The following H2AC21 variants were observed in gnomAD, a reference collection of about 807,000 sequenced individuals.
H2AC21 encodes the protein histone H2A type 2-B.
In H2AC21, 3 loss-of-function variants were observed where a neutral mutation model predicts 7.7. The ratio of observed to expected loss-of-function variants is 0.39; its 90% CI spans 0.18 to 1.01. The LOEUF (loss-of-function observed/expected upper bound fraction) is 1.01. Ranked by LOEUF, H2AC21 falls within the 50% of genes least tolerant of loss-of-function variation. The pLI is 0.36. For missense variants in H2AC21, 173 were observed against 177.9 expected (o/e 0.97, Z 0.16); for synonymous variants, 119 against 84.2 (o/e 1.41, Z -2.26).
Position 149,887,808 on chromosome 1 carries a change from T to G in H2AC21, c.109A>C (p.Lys37Gln), listed in dbSNP as rs1553760156. 1 of 1,614,022 alleles carries G rather than the reference T, an allele frequency of 6.2e-7. No homozygotes were observed. The highest frequency in any genetic ancestry group is 8.5e-7 in the Non-Finnish European group (1 of 1,179,942). The part of the protein sequence containing the change: ...PVGRVHRLLR[K>Q]GNYAERVGAG... The stretch of plus-strand genomic sequence containing the variant: ...CCGACCCGCTCCGCGTAGTTGCCTT[T>G]GCGCAGCAAGCGGTGCACTCGCCCC... Residue 37 changes from lysine (K) to glutamine (Q), a missense_variant, in exon 1 of 1, where the codon AAA becomes CAA. Lys to Gln is a moderately conservative substitution (Grantham distance 53). Coordinates refer to ENST00000331128, the MANE Select transcript of H2AC21 (RefSeq NM_175065.3).
Position 149,887,621 on chromosome 1 carries a change from C to T in H2AC21, c.296G>A (p.Gly99Glu), listed in dbSNP as rs1553760081. Residue 99 changes from glycine (G) to glutamate (E), a missense_variant, in exon 1 of 1, where the codon GGG (glycine) becomes GAG (glutamate). Coordinates refer to ENST00000331128, the MANE Select transcript of H2AC21 (RefSeq NM_175065.3). ...RNDEELNKLLGGVTIAQGGVL... is the reference protein window; with the variant it reads ...RNDEELNKLLEGVTIAQGGVL... ...GCCGCCCTGGGCAATGGTGACACCC[C>T]CGAGTAACTTGTTGAGCTCTTCGTC... 1.2e-6 allele frequency: 2 copies of T among 1,614,214 alleles called. No homozygotes were observed. Among genetic ancestry groups the T allele is most frequent in the Non-Finnish European group, 1.7e-6 (2 of 1,180,038 alleles).
chr1:149,887,842 C>G lies in H2AC21; in HGVS notation c.75G>C (p.Gln25His), dbSNP rs1252703919. The G allele has an allele frequency of 6.2e-7, 1 of 1,613,906 alleles. No individual in the cohort carries two copies. The highest frequency in any genetic ancestry group is 8.5e-7 in the Non-Finnish European group (1 of 1,179,938). The change falls in exon 1 of 1, where the codon CAG becomes CAC. Residue 25 changes from glutamine to histidine, a missense_variant. By Grantham distance (24) the Gln-to-His change is conservative (BLOSUM62 0). Transcript: ENST00000331128. ...AKSRSSRAGL[Q>H]FPVGRVHRLL... ...AGCGGTGCACTCGCCCCACCGGGAACTGGAGACCAGCGCGGGACGAGCGCG... is the reference window on the plus strand; with the variant it reads ...AGCGGTGCACTCGCCCCACCGGGAAGTGGAGACCAGCGCGGGACGAGCGCG...
In H2AC21 at chr1:149,887,737, G is replaced by C. The variant is rs781870400; in HGVS notation, c.180C>G (p.Thr60=). The change falls in exon 1 of 1, where the codon ACC becomes ACG. Residue 60 remains threonine (T), a synonymous_variant. Transcript: ENST00000331128. ...TGCCCGCCAGCTCCAGAATTTCCGC[G>C]GTCAGGTACTCGAGGACCGCCGCCA... ...VYLAAVLEYL[T]AEILELAGNA... The C allele has an allele frequency of 1.2e-6, 2 of 1,614,232 alleles. No individual in the cohort carries two copies. The highest frequency in any genetic ancestry group is 1.7e-5 in the Admixed American group (1 of 60,028).
At position 149,887,769 on chromosome 1, in the gene H2AC21, C is replaced by T; in HGVS notation, c.148G>A (p.Val50Met). 1 of 1,614,178 alleles carries T rather than the reference C, an allele frequency of 6.2e-7. No individual in the cohort carries two copies. Among genetic ancestry groups the T allele is most frequent in the Non-Finnish European group, 8.5e-7 (1 of 1,180,020 alleles). ...YAERVGAGAP[V>M]YLAAVLEYLT... is the part of the protein sequence containing the mutation. ...TACTCGAGGACCGCCGCCAGGTACA[C>T]CGGGGCGCCTGCCCCGACCCGCTCC... The change falls in exon 1 of 1, where the codon GTG becomes ATG. Residue 50 changes from valine to methionine, a missense_variant. Coordinates refer to ENST00000331128, the MANE Select transcript of H2AC21 (RefSeq NM_175065.3).
At position 149,887,619 on chromosome 1, in the gene H2AC21, C is replaced by A. The variant is rs1553760080; in HGVS notation, c.298G>T (p.Gly100Cys). 3.7e-6 allele frequency: 6 copies of A among 1,614,204 alleles called. No individual in the cohort carries two copies. Among genetic ancestry groups the A allele is most frequent in the Non-Finnish European group, 5.1e-6 (6 of 1,180,040 alleles). ...ACGCCGCCCTGGGCAATGGTGACACCCCCGAGTAACTTGTTGAGCTCTTCG... is the reference window on the plus strand; with the variant it reads ...ACGCCGCCCTGGGCAATGGTGACACACCCGAGTAACTTGTTGAGCTCTTCG... ...NDEELNKLLG[G>C]VTIAQGGVLP... Residue 100 changes from glycine (G) to cysteine (C), a missense_variant, in exon 1 of 1, where the codon GGT becomes TGT. Gly to Cys is a radical substitution (Grantham distance 159). Coordinates refer to ENST00000331128, the MANE Select transcript of H2AC21 (RefSeq NM_175065.3).
At position 149,887,482 on chromosome 1, in the gene H2AC21, A is replaced by C; in HGVS notation, c.*42T>G. On this transcript the variant is annotated 3_prime_UTR_variant, in exon 1 of 1. Transcript: ENST00000331128. ...CATTTGACACTTTGGTGGCTCTTAA[A>C]AGAGCCTTTGGGGTGAATGAGTATG... 1 of 1,572,006 alleles carries C rather than the reference A, an allele frequency of 6.4e-7. No individual in the cohort carries two copies. Among genetic ancestry groups the C allele is most frequent in the Non-Finnish European group, 8.6e-7 (1 of 1,161,746 alleles).
rs1203047229 is a variant in H2AC21, at chr1:149,887,510, G to A, written c.*14C>T. On this transcript the variant is annotated 3_prime_UTR_variant, in exon 1 of 1. Coordinates refer to ENST00000331128, the MANE Select transcript of H2AC21 (RefSeq NM_175065.3). ...AGCCTTTGGGGTGAATGAGTATGGTGTCAAGCCTCTTAATTACTTGTTCTT... is the reference window on the plus strand; with the variant it reads ...AGCCTTTGGGGTGAATGAGTATGGTATCAAGCCTCTTAATTACTTGTTCTT... 3 of 1,604,430 alleles carry A rather than the reference G, an allele frequency of 1.9e-6. No homozygotes were observed. Among genetic ancestry groups the A allele is most frequent in the African/African-American group, 2.7e-5 (2 of 74,772 alleles).
rs1559775986 is a variant in H2AC21, at chr1:149,887,770, CG to C, written c.146del (p.Pro49ArgfsTer11). ...NYAERVGAGA[P>X]VYLAAVLEYL... ...ACTCGAGGACCGCCGCCAGGTACAC[CG>C]GGGCGCCTGCCCCGACCCGCTCCGC... On this transcript the variant is annotated frameshift_variant, in exon 1 of 1. Transcript: ENST00000331128. LOFTEE classifies it high-confidence loss of function. 1 of 1,614,128 alleles carries C rather than the reference CG, an allele frequency of 6.2e-7. No individual in the cohort carries two copies. The highest frequency in any genetic ancestry group is 1.7e-5 in the Admixed American group (1 of 60,014).
Position 149,887,892 on chromosome 1 carries a change from C to T in H2AC21, c.25G>A (p.Gly9Ser), listed in dbSNP as rs1412309261. Residue 9 changes from glycine (G) to serine (S), a missense_variant, in exon 1 of 1, where the codon GGC (glycine) becomes AGC (serine). Transcript: ENST00000331128. ...GACTTGGCCTTAGCGCGGGCCTTGC[C>T]TCCCTGCTTTCCGCGTCCTGACATT... MSGRGKQG[G>S]KARAKAKSRS... The T allele has an allele frequency of 1.9e-6, 3 of 1,612,978 alleles. No individual in the cohort carries two copies. Among genetic ancestry groups the T allele is most frequent in the South Asian group, 1.1e-5 (1 of 90,968 alleles).
rs1307401719 is a variant in H2AC21, at chr1:149,887,474, G to A, written c.*50C>T. 5.8e-6 allele frequency: 9 copies of A among 1,564,694 alleles called. No homozygotes were observed. Among genetic ancestry groups the A allele is most frequent in the South Asian group, 2.4e-5 (2 of 83,018 alleles). The stretch of plus-strand genomic sequence containing the variant: ...CAGCCCTTCATTTGACACTTTGGTG[G>A]CTCTTAAAAGAGCCTTTGGGGTGAA... On this transcript the variant is annotated 3_prime_UTR_variant, in exon 1 of 1. Transcript: ENST00000331128.
rs1008980388 is a variant in H2AC21, at chr1:149,887,855, C to T, written c.62G>A (p.Arg21His). ...ARAKAKSRSS[R>H]AGLQFPVGRV... Reference sequence around the variant, plus strand: ...CCCCACCGGGAACTGGAGACCAGCGCGGGACGAGCGCGACTTGGCCTTAGC... The same window carrying T: ...CCCCACCGGGAACTGGAGACCAGCGTGGGACGAGCGCGACTTGGCCTTAGC... The change falls in exon 1 of 1, where the codon CGC (arginine) becomes CAC (histidine). Residue 21 changes from arginine to histidine, a missense_variant. Physicochemically the swap from Arg to His is conservative, Grantham distance 29. Transcript: ENST00000331128. The T allele has an allele frequency of 2.5e-6, 4 of 1,613,930 alleles. No individual in the cohort carries two copies. The highest frequency in any genetic ancestry group is 3.4e-6 in the Non-Finnish European group (4 of 1,179,890).
In H2AC21 at chr1:149,887,687, GTCT is replaced by G. The variant is rs782564731; in HGVS notation, c.227_229del (p.Lys76del). ...TTGCAGATGGCGAGGGATGATGCGC[GTCT>G]TCTTGTTGTCCCGAGCCGCGTTGCC... On this transcript the variant is annotated inframe_deletion, in exon 1 of 1. Transcript: ENST00000331128. The G allele has an allele frequency of 1.4e-5, 23 of 1,614,090 alleles. No homozygotes were observed. The highest frequency in any genetic ancestry group is 3.3e-5 in the Admixed American group (2 of 60,008).
rs782688416 is a variant in H2AC21 at position 149,887,836 on chromosome 1, C to T, written c.81G>A (p.Pro27=). The change falls in exon 1 of 1, where the codon CCG becomes CCA. Residue 27 remains proline (P), a synonymous_variant. Transcript: ENST00000331128. ...SRSSRAGLQF[P]VGRVHRLLRK... is the part of the protein sequence containing the mutation. ...GCAGCAAGCGGTGCACTCGCCCCAC[C>T]GGGAACTGGAGACCAGCGCGGGACG... 3.7e-6 allele frequency: 6 copies of T among 1,613,900 alleles called. No individual in the cohort carries two copies. The highest frequency in any genetic ancestry group is 4.2e-6 in the Non-Finnish European group (5 of 1,179,944).
Position 149,887,845 on chromosome 1 carries a change from G to C in H2AC21, c.72C>G (p.Leu24=), listed in dbSNP as rs370401891. ...KAKSRSSRAG[L]QFPVGRVHRL... is the part of the protein sequence containing the mutation. ...GGTGCACTCGCCCCACCGGGAACTGGAGACCAGCGCGGGACGAGCGCGACT... is the reference window on the plus strand; with the variant it reads ...GGTGCACTCGCCCCACCGGGAACTGCAGACCAGCGCGGGACGAGCGCGACT... The change falls in exon 1 of 1, where the codon CTC becomes CTG. Residue 24 remains leucine, a synonymous_variant. Coordinates refer to ENST00000331128, the MANE Select transcript of H2AC21 (RefSeq NM_175065.3). The C allele has an allele frequency of 1.4e-4, 220 of 1,613,900 alleles. No individual in the cohort carries two copies. The highest frequency in any genetic ancestry group is 5.3e-4 in the Admixed American group (32 of 60,006).
Position 149,887,470 on chromosome 1 carries a change from GGTGGCTCTTAAAAGAGCCTTTGGGGTGA to G in H2AC21, c.*26_*53del. ...TGATCAGCCCTTCATTTGACACTTT[GGTGGCTCTTAAAAGAGCCTTTGGGGTGA>G]ATGAGTATGGTGTCAAGCCTCTTAA... On this transcript the variant is annotated 3_prime_UTR_variant, in exon 1 of 1. Transcript: ENST00000331128. 6.4e-7 allele frequency: 1 copy of G among 1,564,784 alleles called. No homozygotes were observed. The highest frequency in any genetic ancestry group is 8.6e-7 in the Non-Finnish European group (1 of 1,158,760).
rs1387400243 is a variant in H2AC21, at chr1:149,887,539, A to C, written c.378T>G (p.Pro126=). The part of the protein sequence containing the change: ...LLPKKTESHK[P]GKNK Reference sequence around the variant, plus strand: ...AGCCTCTTAATTACTTGTTCTTGCCAGGCTTGTGACTCTCCGTTTTCTTGG... The same window carrying C: ...AGCCTCTTAATTACTTGTTCTTGCCCGGCTTGTGACTCTCCGTTTTCTTGG... The change falls in exon 1 of 1, where the codon CCT becomes CCG. Residue 126 remains proline (P), a synonymous_variant. Coordinates refer to ENST00000331128, the MANE Select transcript of H2AC21 (RefSeq NM_175065.3). 6.2e-7 allele frequency: 1 copy of C among 1,611,428 alleles called. No homozygotes were observed. Among genetic ancestry groups the C allele is most frequent in the Non-Finnish European group, 8.5e-7 (1 of 1,178,556 alleles).
Position 149,887,906 on chromosome 1 carries a change from C to T in H2AC21, c.11G>A (p.Arg4His), listed in dbSNP as rs1553760189. The T allele has an allele frequency of 1.9e-6, 3 of 1,611,294 alleles. No homozygotes were observed. The highest frequency in any genetic ancestry group is 1.1e-5 in the South Asian group (1 of 90,828). The change falls in exon 1 of 1, where the codon CGC (arginine) becomes CAC (histidine). Residue 4 changes from arginine to histidine, a missense_variant. Physicochemically the swap from Arg to His is conservative, Grantham distance 29 (BLOSUM62 0). Transcript: ENST00000331128. The part of the protein sequence containing the change: MSG[R>H]GKQGGKARAK... Reference sequence around the variant, plus strand: ...GCGGGCCTTGCCTCCCTGCTTTCCGCGTCCTGACATTACGGCTAAAATTGC... The same window carrying T: ...GCGGGCCTTGCCTCCCTGCTTTCCGTGTCCTGACATTACGGCTAAAATTGC...
In H2AC21 at chr1:149,887,697, TGTC is replaced by T; in HGVS notation, c.217_219del (p.Asp73del). ...CGAGGGATGATGCGCGTCTTCTTGT[TGTC>T]CCGAGCCGCGTTGCCCGCCAGCTCC... On this transcript the variant is annotated inframe_deletion, in exon 1 of 1. Coordinates refer to ENST00000331128, the MANE Select transcript of H2AC21 (RefSeq NM_175065.3). 1 of 1,614,164 alleles carries T rather than the reference TGTC, an allele frequency of 6.2e-7. No individual in the cohort carries two copies. The highest frequency in any genetic ancestry group is 8.5e-7 in the Non-Finnish European group (1 of 1,180,040).
Position 149,887,930 on chromosome 1 carries a change from G to T in H2AC21, c.-14C>A, listed in dbSNP as rs1553760198. On this transcript the variant is annotated 5_prime_UTR_variant, in exon 1 of 1. Coordinates refer to ENST00000331128, the MANE Select transcript of H2AC21 (RefSeq NM_175065.3). ...GCGTCCTGACATTACGGCTAAAATT[G>T]CAGTTACAGCTTCTTTTACAAGGAG... is the stretch of plus-strand genomic sequence containing the variant. The T allele has an allele frequency of 1.9e-6, 3 of 1,602,102 alleles. No individual in the cohort carries two copies. Among genetic ancestry groups the T allele is most frequent in the South Asian group, 1.1e-5 (1 of 89,926 alleles).
Sources: gnomAD v4.1 joint callset for allele counts on GRCh38, gnomAD v4.1.1 for gene constraint, MANE v1.5 for transcripts, NCBI Gene and HGNC (gene_info 2026-07-23, HGNC 2026-07-21) for gene names.